The following IL1RAPL2 variants were observed in gnomAD, a reference collection of about 807,000 sequenced individuals.
IL1RAPL2 encodes X-linked interleukin-1 receptor accessory protein-like 2.
IL1RAPL2 carries 3 observed loss-of-function variants against 44.1 expected under a neutral mutation model. That is an observed-to-expected ratio of 0.07 (90% CI 0.03 to 0.18). IL1RAPL2 has a LOEUF of 0.18. IL1RAPL2 is among the 10% of genes least tolerant of loss of function. IL1RAPL2 has a pLI of 1.00. For synonymous variants in IL1RAPL2, 181 were observed against 178.8 expected, an observed-to-expected ratio of 1.01 and a Z score of -0.10; for missense variants, 391 against 496.4, an observed-to-expected ratio of 0.79 and a Z score of 2.02.
At chrX:104,869,378 AT>A (rs1490882748) in intron 2 of IL1RAPL2, among the ~76,000 whole-genome samples, 1 of 110,816 alleles carries the variant, frequency 9.0e-6, no homozygotes, top group Non-Finnish European at 1.9e-5. Flanking sequence ...TCCCATAGCT[AT>A]TTTGACATAT....
intron 2 of IL1RAPL2, among the ~76,000 whole-genome samples, chrX:105,131,043 A>G (rs1005324576): frequency 4.5e-5 from 5 of 111,720 alleles, no homozygotes; most frequent in African/African-American, 9.7e-5. Flanking sequence ...AAGAATGGGA[A>G]GGTAGTGTAA....
chrX:104,711,869 A>G (rs1931463896), intron 2 of IL1RAPL2, among the ~76,000 whole-genome samples: 1 of 110,558 alleles, frequency 9.0e-6, no homozygotes, highest in East Asian at 2.9e-4. Flanking sequence ...TCAGTACTTC[A>G]CTGTGCAAAA....
chrX:104,906,397 A>G (rs1201822781), intron 2 of IL1RAPL2, among the ~76,000 whole-genome samples: 2 of 110,887 alleles, frequency 1.8e-5, no homozygotes, highest in Admixed American at 9.6e-5. Context: ...TTCAAAGGGA[A>G]TGCTTCCAGT....
At chrX:104,931,997 T>A (rs1924916138) in intron 2 of IL1RAPL2, among the ~76,000 whole-genome samples, 1 of 23,479 alleles carries the variant, frequency 4.3e-5, no homozygotes, top group South Asian at 1.1e-3. Flanking sequence ...TATATATATA[T>A]TTTTTTTTTT....
intron 5 of IL1RAPL2, among the ~76,000 whole-genome samples, chrX:105,384,622 AT>A (rs754450900): frequency 9.2e-6 from 1 of 109,151 alleles, no homozygotes; most frequent in East Asian, 2.9e-4. Flanking sequence ...AAATTTTAGG[AT>A]TTTTTTTTCT....
intron 2 of IL1RAPL2, among the ~76,000 whole-genome samples, chrX:104,768,930 T>A (rs1932599851): frequency 9.0e-6 from 1 of 111,185 alleles, no homozygotes; most frequent in African/African-American, 3.3e-5. Context: ...CCTACCAGAG[T>A]TGCTGAGCAT....
At chrX:105,677,529 GA>G (rs1365129234) in intron 6 of IL1RAPL2, among the ~76,000 whole-genome samples, 1 of 112,262 alleles carries the variant, frequency 8.9e-6, no homozygotes, top group Non-Finnish European at 1.9e-5. Context: ...ACAAAAGTCA[GA>G]AAGTATTTTT....
At chrX:104,726,849 T>C (rs1184229410) in intron 2 of IL1RAPL2, among the ~76,000 whole-genome samples, 1 of 110,967 alleles carries the variant, frequency 9.0e-6, no homozygotes, top group Non-Finnish European at 1.9e-5. Context: ...ATGTGATGTT[T>C]CTACCCTTGT....
chrX:104,867,677 G>A (rs139433489), intron 2 of IL1RAPL2, among the ~76,000 whole-genome samples: 2 of 111,639 alleles, frequency 1.8e-5, no homozygotes, highest in Non-Finnish European at 3.8e-5. Context: ...GAAATGGGGA[G>A]CCATGGGAGG....
At chrX:105,145,485 T>A in intron 2 of IL1RAPL2, among the ~76,000 whole-genome samples, 1 of 111,628 alleles carries the variant, frequency 9.0e-6, no homozygotes, top group African/African-American at 3.3e-5. Context: ...TTGAGATTAT[T>A]TACTAAGAAT....
chrX:105,374,073 C>T (rs965543215), intron 5 of IL1RAPL2, among the ~76,000 whole-genome samples: 1 of 100,423 alleles, frequency 1.0e-5, no homozygotes, highest in South Asian at 4.9e-4. Flanking sequence ...TAACCAAGAT[C>T]ACACCACTGC....
At chrX:104,867,668 A>G (rs1439735381) in intron 2 of IL1RAPL2, among the ~76,000 whole-genome samples, 1 of 111,797 alleles carries the variant, frequency 8.9e-6, no homozygotes, top group Non-Finnish European at 1.9e-5. Flanking sequence ...ATCCTGAAGG[A>G]AATGGGGAGC....
chrX:105,440,988 C>T (rs751993324), intron 5 of IL1RAPL2, among the ~76,000 whole-genome samples: 57 of 111,948 alleles, frequency 5.1e-4, no homozygotes, highest in South Asian at 7.4e-4. Context: ...GAGGCCTCCC[C>T]AGCCATGTGG....
Position 105,708,646 on chromosome X carries a change from A to T in IL1RAPL2, c.773-8721A>T, listed in dbSNP as rs1286727959. On this transcript the variant is annotated intron_variant, in intron 6 of 10. Coordinates refer to ENST00000372582, the MANE Select transcript of IL1RAPL2 (RefSeq NM_017416.2). ...GGAAGTAATGGTTACTCTGTGTTCT[A>T]TTTTTACTACTCTCTTGTCTAGCTG... 2.7e-5 allele frequency among the ~76,000 whole-genome samples: 3 copies of T among 111,721 alleles called. No individual in the cohort carries two copies. The East Asian group carries it at 8.4e-4, about 31-fold the overall frequency.
chrX:105,200,080 A>G (rs2033704113), intron 3 of IL1RAPL2, among the ~76,000 whole-genome samples: 1 of 111,805 alleles, frequency 8.9e-6, no homozygotes, highest in Non-Finnish European at 1.9e-5. Flanking sequence ...TATTGTGAAA[A>G]GGGCTCTTAA....
intron 2 of IL1RAPL2, among the ~76,000 whole-genome samples, chrX:104,882,047 A>T (rs1000295724): frequency 8.9e-6 from 1 of 112,581 alleles, no homozygotes; most frequent in African/African-American, 3.2e-5. Context: ...GTCAACAGGC[A>T]TATATGCTTC....
intron 5 of IL1RAPL2, among the ~76,000 whole-genome samples, chrX:105,382,454 A>G (rs1438702559): frequency 2.8e-5 from 3 of 106,808 alleles, no homozygotes; most frequent in Admixed American, 9.9e-5. Context: ...GGCGATCATT[A>G]AAAAGTCAGG....
chrX:105,276,946 G>C (rs1471041417), intron 5 of IL1RAPL2, among the ~76,000 whole-genome samples: 1 of 111,887 alleles, frequency 8.9e-6, no homozygotes, highest in East Asian at 2.8e-4. Flanking sequence ...TCCAACAAGA[G>C]TGAAAGGGGC....
At chrX:104,920,892 G>C (rs1265893689) in intron 2 of IL1RAPL2, among the ~76,000 whole-genome samples, 5 of 110,614 alleles carry the variant, frequency 4.5e-5, no homozygotes, top group Admixed American at 1.9e-4. Context: ...ACTCTGACCA[G>C]ATCTTTTGAG....
Sources: allele counts gnomAD v4.1 joint callset (sites outside exome capture counted in the v4.1 genomes callset), GRCh38; gene constraint gnomAD v4.1.1; transcripts MANE v1.5; gene names NCBI Gene and HGNC (gene_info 2026-07-23, HGNC 2026-07-21).